Variants in DEPDC5 observed in about 807,000 individuals in gnomAD.
DEPDC5 encodes the protein GATOR1 complex protein DEPDC5.
In DEPDC5, 73 loss-of-function variants were observed where a neutral mutation model predicts 217.3. That is an observed-to-expected ratio of 0.34 (90% CI 0.28 to 0.41). The LOEUF (loss-of-function observed/expected upper bound fraction) is 0.41. DEPDC5 is among the 10% of genes least tolerant of loss of function. DEPDC5 has a pLI of 1.00. For missense variants in DEPDC5, 1,675 were observed against 2,070.1 expected (o/e 0.81, Z 3.70); for synonymous variants, 733 against 756.7 (o/e 0.97, Z 0.51).
rs2093770900 is a variant in DEPDC5 at position 31,907,253 on chromosome 22, C to G, written c.*756C>G. ...GCAGGCAGTATAACTTACAAGGTAACTGCAGGCTCATGCTGTCAGAATGAA... is the reference window on the plus strand; with the variant it reads ...GCAGGCAGTATAACTTACAAGGTAAGTGCAGGCTCATGCTGTCAGAATGAA... On this transcript the variant is annotated 3_prime_UTR_variant, in exon 43 of 43. Transcript: ENST00000651528. 6.6e-6 allele frequency: 1 copy of G among 152,294 alleles called. No homozygotes were observed. 9.4% of individuals were successfully genotyped at this position (152,294 alleles called of 1,614,324 possible).
intron 12 of DEPDC5, among the ~76,000 whole-genome samples, chr22:31,794,827 A>G (rs1654107567): frequency 6.6e-6 from 1 of 152,092 alleles, no homozygotes; most frequent in Non-Finnish European, 1.5e-5. Flanking sequence ...TTGAGGCTGC[A>G]GTGAGCCAAG....
chr22:31,860,856 T>G (rs2092482396), intron 32 of DEPDC5, among the ~76,000 whole-genome samples: 1 of 152,058 alleles, frequency 6.6e-6, no homozygotes, highest in Admixed American at 6.6e-5. Context: ...GCTCAATGTA[T>G]CTCTCCAAGA....
At position 31,802,774 on chromosome 22, in the gene DEPDC5, G is replaced by T; in HGVS notation, c.1017G>T (p.Gly339=). 6.2e-7 allele frequency: 1 copy of T among 1,606,200 alleles called. No individual in the cohort carries two copies. Among genetic ancestry groups the T allele is most frequent in the Non-Finnish European group, 8.5e-7 (1 of 1,176,712 alleles). ...TGQMSVVITP[G]VGVFEVDRLL... ...AGATGTCAGTGGTGATCACGCCCGG[G>T]GTGGGTGTCTTTGAAGTGGACCGCC... The change falls in exon 15 of 43, where the codon GGG becomes GGT. Residue 339 remains glycine, a synonymous_variant. Coordinates refer to ENST00000651528, the MANE Select transcript of DEPDC5 (RefSeq NM_001242896.3).
At chr22:31,886,032 CAA>C (rs1234869480) in intron 38 of DEPDC5, among the ~76,000 whole-genome samples, 28 of 105,118 alleles carry the variant, frequency 2.7e-4, no homozygotes, top group Admixed American at 2.0e-4. Flanking sequence ...GACTCCCTCT[CAA>C]AAAAAAAAAA....
rs2091059543 is a variant in DEPDC5, at chr22:31,837,066, T to C, written c.2265T>C (p.Leu755=). The change falls in exon 26 of 43, where the codon CTT becomes CTC. Residue 755 remains leucine, a synonymous_variant. Coordinates refer to ENST00000651528, the MANE Select transcript of DEPDC5 (RefSeq NM_001242896.3). ...KSLTTPACLP[L]TTDYFPDRQG... ...TCACTACTCCGGCGTGCCTCCCCCT[T>C]ACCACCGACTACTTCCCTGACCGCC... 2 of 1,614,106 alleles carry C rather than the reference T, an allele frequency of 1.2e-6. No homozygotes were observed. Among genetic ancestry groups the C allele is most frequent in the Non-Finnish European group, 1.7e-6 (2 of 1,180,012 alleles).
chr22:31,847,663 C>T (rs759913711), intron 31 of DEPDC5, among the ~76,000 whole-genome samples: 1 of 152,138 alleles, frequency 6.6e-6, no homozygotes, highest in Non-Finnish European at 1.5e-5. Flanking sequence ...TAATTTACCT[C>T]CCACCTGGAC....
At chr22:31,793,535 TCTGACCAC>T (rs1304433057) in intron 12 of DEPDC5, among the ~76,000 whole-genome samples, 4 of 152,152 alleles carry the variant, frequency 2.6e-5, no homozygotes, top group Admixed American at 2.6e-4. Context: ...CATTTTTATA[TCTGACCAC>T]AATATCATGA....
intron 37 of DEPDC5, among the ~76,000 whole-genome samples, chr22:31,878,220 C>T (rs181244447): frequency 9.7e-4 from 148 of 151,924 alleles, no homozygotes; most frequent in African/African-American, 3.4e-3. Flanking sequence ...TGAGATGAAG[C>T]AGCTAGTGCC....
chr22:31,819,279 CT>C, intron 22 of DEPDC5, 54 bp downstream of exon 22: 1 of 1,592,270 alleles, frequency 6.3e-7, no homozygotes, highest in Non-Finnish European at 8.6e-7. Flanking sequence ...AGCCCTGGTC[CT>C]CAGTGTCGGT....
intron 31 of DEPDC5, among the ~76,000 whole-genome samples, chr22:31,855,325 A>G (rs1268037458): frequency 6.6e-6 from 1 of 151,758 alleles, no homozygotes. Flanking sequence ...TATCTTTTAG[A>G]GATACTGAAA....
chr22:31,770,832 C>G (rs1345146109), intron 7 of DEPDC5, among the ~76,000 whole-genome samples: 6 of 149,746 alleles, frequency 4.0e-5, no homozygotes. Flanking sequence ...CACTCTGTCG[C>G]CCAGGCTGGA....
intron 8 of DEPDC5, among the ~76,000 whole-genome samples, chr22:31,781,216 C>CAAAAA (rs1243159443): frequency 1.0e-5 from 1 of 97,884 alleles, no homozygotes; most frequent in Non-Finnish European, 2.1e-5. Context: ...AACTCGGTCT[C>CAAAAA]AAAAACAAAC....
At chr22:31,829,012 G>C (rs1223874672) in intron 24 of DEPDC5, among the ~76,000 whole-genome samples, 2 of 152,192 alleles carry the variant, frequency 1.3e-5, no homozygotes, top group Non-Finnish European at 2.9e-5. Flanking sequence ...AAAACAACCA[G>C]GATCAGAATT....
chr22:31,799,740 T>TCCAC (rs1203925208), intron 14 of DEPDC5, among the ~76,000 whole-genome samples: 1 of 149,192 alleles, frequency 6.7e-6, no homozygotes, highest in Non-Finnish European at 1.5e-5. Flanking sequence ...GACCTCGTGA[T>TCCAC]CCACCTACCT....
chr22:31,890,041 A>G (rs1312819914), intron 38 of DEPDC5, among the ~76,000 whole-genome samples: 3 of 152,310 alleles, frequency 2.0e-5, no homozygotes, highest in Admixed American at 6.5e-5. Flanking sequence ...TTGGGAGAAG[A>G]GACCAGCAGG....
chr22:31,879,325 A>G (rs2149292861), intron 37 of DEPDC5, among the ~76,000 whole-genome samples, 200 bp from the exon 38 acceptor site: 1 of 151,632 alleles, frequency 6.6e-6, no homozygotes, highest in East Asian at 1.9e-4. Context: ...TCCCACCCCC[A>G]GCAACCAATA....
intron 15 of DEPDC5, 134 bp downstream of exon 15, chr22:31,802,972 G>A (rs1391259836): frequency 8.4e-6 from 10 of 1,192,894 alleles, no homozygotes; most frequent in Non-Finnish European, 9.9e-6. Context: ...GTCTGTGGAT[G>A]TCAATAGGTG....
chr22:31,785,286 G>A (rs758388050), intron 10 of DEPDC5, among the ~76,000 whole-genome samples: 71 of 150,438 alleles, frequency 4.7e-4, no homozygotes, highest in Non-Finnish European at 3.6e-4. Context: ...CACAAAGTAA[G>A]TATTAGAGCT....
chr22:31,826,492 C>G, intron 24 of DEPDC5: 1 of 430,606 alleles, frequency 2.3e-6, no homozygotes, highest in South Asian at 1.7e-5. Context: ...AGGTTCCTCT[C>G]TATAGAATAT....
Sources: allele counts gnomAD v4.1 joint callset (sites outside exome capture counted in the v4.1 genomes callset), GRCh38; gene constraint gnomAD v4.1.1; transcripts MANE v1.5; gene names NCBI Gene and HGNC (gene_info 2026-07-23, HGNC 2026-07-21).